Variants in WDR41 observed in about 807,000 individuals in gnomAD.
WDR41 encodes the protein WD repeat domain 41.
A neutral mutation model predicts 69.3 loss-of-function variants in WDR41; 63 were observed. The ratio of observed to expected loss-of-function variants is 0.91; its 90% CI spans 0.74 to 1.12. The LOEUF (loss-of-function observed/expected upper bound fraction) is 1.12. WDR41 is among the 50% of genes most tolerant of loss of function. WDR41 has a pLI of 0.00. For missense variants in WDR41, 543 were observed against 534.5 expected, an observed-to-expected ratio of 1.02 and a Z score of -0.16; for synonymous variants, 185 against 192.1, an observed-to-expected ratio of 0.96 and a Z score of 0.31.
rs142524554 is a variant in WDR41 at position 77,489,980 on chromosome 5, T to C, written c.52-408A>G. Among the ~76,000 whole-genome samples the C allele has an allele frequency of 2.6e-5, 4 of 152,296 alleles. No homozygotes were observed. In the East Asian group the frequency reaches 7.7e-4, roughly 29 times the overall value. On this transcript the variant is annotated intron_variant, in intron 1 of 12. Transcript: ENST00000296679. ...AAAACTGCAAATCAAAGACATAAAATAGTGAAACAGTGCCTCATCCATTAC... is the reference window on the plus strand; with the variant it reads ...AAAACTGCAAATCAAAGACATAAAACAGTGAAACAGTGCCTCATCCATTAC...
chr5:77,463,407 AC>A (rs1800155416), intron 3 of WDR41, among the ~76,000 whole-genome samples, 181 bp from the exon 4 acceptor site: 1 of 152,184 alleles, frequency 6.6e-6, no homozygotes, highest in African/African-American at 2.4e-5. Context: ...TACAGCCATA[AC>A]TATAGTTTTA....
chr5:77,470,811 T>C (rs1800559269), intron 2 of WDR41, among the ~76,000 whole-genome samples: 1 of 152,032 alleles, frequency 6.6e-6, no homozygotes, highest in South Asian at 2.1e-4. Context: ...AGACTTAGAC[T>C]CCCACACAAT....
upstream of WDR41, among the ~76,000 whole-genome samples, chr5:77,495,837 C>A (rs186222460): frequency 1.5e-3 from 230 of 152,026 alleles, 3 homozygotes; most frequent in African/African-American, 5.4e-3. Context: ...AGGCCAATAT[C>A]CCTTATGACT....
At chr5:77,612,257 A>G (rs1230671985) in intron 1 of WDR41, among the ~76,000 whole-genome samples, 1 of 152,242 alleles carries the variant, frequency 6.6e-6, no homozygotes, top group African/African-American at 2.4e-5. Context: ...ATTCCAATCA[A>G]TAGAAAAAGA....
At chr5:77,611,558 T>C (rs1273253691) in intron 1 of WDR41, among the ~76,000 whole-genome samples, 1 of 152,242 alleles carries the variant, frequency 6.6e-6, no homozygotes, top group African/African-American at 2.4e-5. Flanking sequence ...GAATGACTAC[T>C]GGGTACATAA....
intron 1 of WDR41, among the ~76,000 whole-genome samples, chr5:77,528,334 T>C (rs1802478591): frequency 6.6e-6 from 1 of 151,656 alleles, no homozygotes; most frequent in Admixed American, 6.6e-5. Context: ...GAAAATACAA[T>C]TTACCAAAAT....
Position 77,478,597 on chromosome 5 carries a change from C to T in WDR41, c.167+10860G>A, listed in dbSNP as rs552492931. ...AACCACATGATTATCTCAACAGATG[C>T]AGAAAAGGCCTTTGACAAAATTCAA... On this transcript the variant is annotated intron_variant, in intron 2 of 12. Transcript: ENST00000296679. Among the ~76,000 whole-genome samples, 430 of 152,266 alleles carry T rather than the reference C, an allele frequency of 2.8e-3. 6 individuals carry two copies. The highest frequency in any genetic ancestry group is 0.01 in the African/African-American group (420 of 41,540).
chr5:77,451,231 T>C, intron 7 of WDR41, 60 bp downstream of exon 7: 1 of 1,523,444 alleles, frequency 6.6e-7, no homozygotes, highest in South Asian at 1.1e-5. Context: ...CTTTAGTCCT[T>C]CCAGCATGTG....
chr5:77,542,148 T>A (rs561852337), intron 1 of WDR41, among the ~76,000 whole-genome samples: 1 of 152,298 alleles, frequency 6.6e-6, no homozygotes, highest in African/African-American at 2.4e-5. Flanking sequence ...GAAGCCATTA[T>A]CCTCAGCAAA....
intron 1 of WDR41, among the ~76,000 whole-genome samples, chr5:77,590,855 G>T (rs1744124736): frequency 6.6e-6 from 1 of 152,150 alleles, no homozygotes; most frequent in Non-Finnish European, 1.5e-5. Flanking sequence ...GTCAGGTTTT[G>T]TTAGAAAGGT....
chr5:77,455,649 T>C (rs952726172), intron 5 of WDR41, among the ~76,000 whole-genome samples: 1 of 152,188 alleles, frequency 6.6e-6, no homozygotes, highest in African/African-American at 2.4e-5. Context: ...AGGGATAAAA[T>C]TTCATTATTT....
chr5:77,615,250 T>C (rs1212811168), intron 1 of WDR41, among the ~76,000 whole-genome samples: 1 of 152,204 alleles, frequency 6.6e-6, no homozygotes, highest in East Asian at 1.9e-4. Context: ...CTAAAGACAT[T>C]TTTGAAATAG....
intron 1 of WDR41, among the ~76,000 whole-genome samples, chr5:77,498,679 C>A (rs910084404): frequency 6.6e-6 from 1 of 151,692 alleles, no homozygotes; most frequent in East Asian, 1.9e-4. Context: ...ATTAACCGAG[C>A]ATGGTGGCAG....
At chr5:77,519,091 A>G (rs1363970881) in intron 1 of WDR41, among the ~76,000 whole-genome samples, 2 of 152,122 alleles carry the variant, frequency 1.3e-5, no homozygotes, top group East Asian at 1.9e-4. Context: ...TTCAATAAAT[A>G]TAATTTCAGG....
At chr5:77,551,474 T>A (rs1236418524) in intron 1 of WDR41, among the ~76,000 whole-genome samples, 1 of 151,560 alleles carries the variant, frequency 6.6e-6, no homozygotes. Flanking sequence ...GGTCAGGAGT[T>A]TGAGGCCAGC....
intron 1 of WDR41, among the ~76,000 whole-genome samples, chr5:77,526,448 GTATTTCTATTT>G (rs1162123713): frequency 6.6e-6 from 1 of 151,808 alleles, no homozygotes; most frequent in Non-Finnish European, 1.5e-5. Flanking sequence ...TTTTAAATAT[GTATTTCTATTT>G]TACTGCAAAG....
At chr5:77,442,190 A>G (rs1799191894) in intron 8 of WDR41, among the ~76,000 whole-genome samples, 1 of 152,230 alleles carries the variant, frequency 6.6e-6, no homozygotes, top group Admixed American at 6.5e-5. Context: ...ACTTCTAGGA[A>G]TTTATCCTGA....
At chr5:77,594,987 A>G (rs1290140528) in intron 1 of WDR41, among the ~76,000 whole-genome samples, 2 of 152,200 alleles carry the variant, frequency 1.3e-5, no homozygotes, top group Non-Finnish European at 2.9e-5. Flanking sequence ...AAGGTGAAAG[A>G]TGAGGAAACG....
chr5:77,545,516 A>C (rs1313408352), intron 1 of WDR41: 1 of 240,964 alleles, frequency 4.2e-6, no homozygotes, highest in Non-Finnish European at 8.0e-6. Flanking sequence ...GGTCGCAGCC[A>C]CGGAGCTTGC....
Sources: allele counts gnomAD v4.1 joint callset (sites outside exome capture counted in the v4.1 genomes callset), GRCh38; gene constraint gnomAD v4.1.1; transcripts MANE v1.5; gene names NCBI Gene and HGNC (gene_info 2026-07-23, HGNC 2026-07-21).